Variants in NDRG3 observed in about 807,000 individuals in gnomAD.
NDRG3 encodes the protein NDRG family member 3.
In NDRG3, 23 loss-of-function variants were observed where a neutral mutation model predicts 57.2. The observed-to-expected ratio is 0.40, with a 90% CI of 0.29 to 0.57. The LOEUF (loss-of-function observed/expected upper bound fraction) is 0.57. NDRG3 is among the 20% of genes least tolerant of loss of function. The pLI is 0.42. For missense variants in NDRG3, 384 were observed against 457.3 expected, an observed-to-expected ratio of 0.84 and a Z score of 1.46; for synonymous variants, 132 against 162.6, an observed-to-expected ratio of 0.81 and a Z score of 1.43.
chr20:36,685,092 T>A (rs904139719), intron 5 of NDRG3, among the ~76,000 whole-genome samples: 10 of 151,914 alleles, frequency 6.6e-5, no homozygotes, highest in African/African-American at 2.4e-4. Flanking sequence ...CCTCTAACAA[T>A]CTCTTCAGTT....
At chr20:36,712,918 A>G in intron 2 of NDRG3, among the ~76,000 whole-genome samples, 1 of 151,770 alleles carries the variant, frequency 6.6e-6, no homozygotes. Flanking sequence ...CTTCTGAGAC[A>G]GAGTCTTGCT....
In NDRG3 at chr20:36,662,388, T is replaced by G. The variant is rs150187846; in HGVS notation, c.811-2004A>C. 6.0e-3 allele frequency among the ~76,000 whole-genome samples: 909 copies of G among 152,192 alleles called. 7 individuals are homozygous for G. The highest frequency in any genetic ancestry group is 0.02 in the African/African-American group (826 of 41,526). Reference sequence around the variant, plus strand: ...GCATGCCATCACACCCAGCTCGTTTTTGTATTTTTAGTAGAGACAGGGTTT... The same window carrying G: ...GCATGCCATCACACCCAGCTCGTTTGTGTATTTTTAGTAGAGACAGGGTTT... On this transcript the variant is annotated intron_variant, in intron 12 of 15. Transcript: ENST00000349004.
intron 6 of NDRG3, 30 bp from the exon 7 acceptor site, chr20:36,682,608 G>A: frequency 6.3e-7 from 1 of 1,594,786 alleles, no homozygotes; most frequent in South Asian, 1.1e-5. Flanking sequence ...ACAACTGACA[G>A]AGTCAACTTC....
At position 36,652,286 on chromosome 20, in the gene NDRG3, G is replaced by C. The variant is rs1308487789; in HGVS notation, c.*1234C>G. ...AACTTAGCTGGGTATGGTGGCAGGT[G>C]CCTGTAGTCTCAGCTACTCGGGAGG... On this transcript the variant is annotated 3_prime_UTR_variant, in exon 16 of 16. Transcript: ENST00000349004. The C allele has an allele frequency of 1.3e-5, 2 of 152,124 alleles. No homozygotes were observed. Among genetic ancestry groups the C allele is most frequent in the Non-Finnish European group, 2.9e-5 (2 of 68,082 alleles). The allele number at this position is 152,124 out of a possible 1,614,324, so 9.4% of individuals were successfully genotyped here.
Position 36,723,659 on chromosome 20 carries a change from A to AATATGTGTGTGT in NDRG3, c.-48-1877_-48-1876insACACACACATAT, listed in dbSNP as rs74173994. Among the ~76,000 whole-genome samples the AATATGTGTGTGT allele has an allele frequency of 5.1e-3, 680 of 132,938 alleles. 5 individuals are homozygous for AATATGTGTGTGT. Among genetic ancestry groups the AATATGTGTGTGT allele is most frequent in the African/African-American group, 0.018 (621 of 35,320 alleles). 87.2% of individuals were successfully genotyped at this position (132,938 alleles called of 152,430 possible). The stretch of plus-strand genomic sequence containing the variant: ...GAAAGCCTTCAAAAGATATTAGTCT[A>AATATGTGTGTGT]GTGTGTGTGTGTGTGTGTGTGTGTG... On this transcript the variant is annotated intron_variant, in intron 1 of 15. Coordinates refer to ENST00000349004, the MANE Select transcript of NDRG3 (RefSeq NM_032013.4).
At chr20:36,687,719 C>CA in intron 4 of NDRG3, 107 bp from the exon 5 acceptor site, 1 of 1,325,046 alleles carries the variant, frequency 7.5e-7, no homozygotes, top group Non-Finnish European at 1.0e-6. Flanking sequence ...TTTTAACCAC[C>CA]ATTCCACCAA....
At chr20:36,675,856 G>C (rs115636074) in intron 8 of NDRG3, among the ~76,000 whole-genome samples, 1 of 152,248 alleles carries the variant, frequency 6.6e-6, no homozygotes, top group African/African-American at 2.4e-5. Flanking sequence ...TTGACAAGTT[G>C]GGTGGTGGTA....
intron 2 of NDRG3, among the ~76,000 whole-genome samples, chr20:36,718,594 A>T (rs1984408498): frequency 6.6e-6 from 1 of 152,164 alleles, no homozygotes; most frequent in African/African-American, 2.4e-5. Flanking sequence ...GTTTCTCATG[A>T]TTAATCTCTT....
chr20:36,653,751 A>G lies in NDRG3; in HGVS notation c.947-50T>C. ...AGAAGATGAAGCCCCGGTTAAGCCC[A>G]GCTAACCTAGGAGTCTCATCAAAGT... On this transcript the variant is annotated intron_variant, in intron 15 of 15. Coordinates refer to ENST00000349004, the MANE Select transcript of NDRG3 (RefSeq NM_032013.4). The surrounding 1 kb of genome is among the most constrained non-coding windows in gnomAD (Gnocchi z 4.2). 2 of 1,549,378 alleles carry G rather than the reference A, an allele frequency of 1.3e-6. No homozygotes were observed. The highest frequency in any genetic ancestry group is 1.8e-6 in the Non-Finnish European group (2 of 1,135,658).
At chr20:36,674,496 C>T (rs994115492) in intron 8 of NDRG3, among the ~76,000 whole-genome samples, 2 of 151,980 alleles carry the variant, frequency 1.3e-5, no homozygotes, top group Non-Finnish European at 2.9e-5. Flanking sequence ...AGCCACCACG[C>T]CCAGCCCTCT....
At chr20:36,689,321 C>CT (rs1398050702) in intron 3 of NDRG3, among the ~76,000 whole-genome samples, 1 of 152,154 alleles carries the variant, frequency 6.6e-6, no homozygotes. Flanking sequence ...CCAAAGCTCA[C>CT]TTACGAGCCC....
At chr20:36,697,377 T>G (rs978531250) in intron 3 of NDRG3, among the ~76,000 whole-genome samples, 4 of 152,184 alleles carry the variant, frequency 2.6e-5, no homozygotes, top group South Asian at 4.1e-4. Context: ...GGCAGGTTTT[T>G]TCCCCCCCAA....
chr20:36,719,429 A>G (rs1237524215), intron 2 of NDRG3, among the ~76,000 whole-genome samples: 10 of 151,350 alleles, frequency 6.6e-5, no homozygotes, highest in Admixed American at 6.6e-4. Flanking sequence ...CCGTTTCAAA[A>G]AAAAAAAAAA....
At chr20:36,706,542 T>C (rs1983557977) in intron 3 of NDRG3, among the ~76,000 whole-genome samples, 3 of 152,212 alleles carry the variant, frequency 2.0e-5, no homozygotes. Flanking sequence ...TCTTACTCTA[T>C]GACCCAGGCT....
intron 1 of NDRG3, among the ~76,000 whole-genome samples, chr20:36,723,659 A>AATATGTGT (rs74173994): frequency 3.8e-4 from 51 of 132,934 alleles, no homozygotes; most frequent in African/African-American, 1.4e-3. Flanking sequence ...ATATTAGTCT[A>AATATGTGT]GTGTGTGTGT....
chr20:36,667,646 C>T (rs552250793), intron 9 of NDRG3, among the ~76,000 whole-genome samples: 2 of 152,134 alleles, frequency 1.3e-5, no homozygotes, highest in South Asian at 2.1e-4. Flanking sequence ...ATACACACAA[C>T]ATCAATAAGC....
Position 36,707,003 on chromosome 20 carries a change from C to A in NDRG3, c.62G>T (p.Gly21Val), listed in dbSNP as rs774191488. ...EIKPLLNDKNGTRNFQDFDCQ... is the reference protein window; with the variant it reads ...EIKPLLNDKNVTRNFQDFDCQ... ...GTCAAAGTCCTGGAAGTTTCTTGTA[C>A]CATTCTGTCAACAGAAGACAGAAAA... Residue 21 changes from glycine (G) to valine (V), a missense_variant, in exon 3 of 16, where the codon GGT (glycine) becomes GTT (valine). Coordinates refer to ENST00000349004, the MANE Select transcript of NDRG3 (RefSeq NM_032013.4). The A allele has an allele frequency of 6.2e-7, 1 of 1,613,536 alleles. No homozygotes were observed. Among genetic ancestry groups the A allele is most frequent in the Non-Finnish European group, 8.5e-7 (1 of 1,179,548 alleles).
At chr20:36,718,662 G>C (rs1402935650) in intron 2 of NDRG3, among the ~76,000 whole-genome samples, 1 of 152,072 alleles carries the variant, frequency 6.6e-6, no homozygotes, top group Non-Finnish European at 1.5e-5. Context: ...GGAAGGGAGA[G>C]AGAAAGAGAG....
intron 2 of NDRG3, among the ~76,000 whole-genome samples, chr20:36,715,000 G>GTATATA (rs1484496414): frequency 1.8e-4 from 10 of 56,546 alleles, no homozygotes; most frequent in East Asian, 5.6e-4. Context: ...GTGTGTGTGT[G>GTATATA]TGTGTGTATA....
Sources: allele counts gnomAD v4.1 joint callset (sites outside exome capture counted in the v4.1 genomes callset), GRCh38; gene constraint gnomAD v4.1.1; non-coding constraint Gnocchi (gnomAD v3.1); transcripts MANE v1.5; gene names NCBI Gene and HGNC (gene_info 2026-07-23, HGNC 2026-07-21).